The following DNAJC27 variants were observed in gnomAD, a reference collection of about 807,000 sequenced individuals.
DNAJC27 encodes the protein dnaJ homolog subfamily C member 27.
DNAJC27 carries 25 observed loss-of-function variants against 31.4 expected under a neutral mutation model. That is an observed-to-expected ratio of 0.80 (90% CI 0.58 to 1.11). DNAJC27 has a LOEUF of 1.11. Ranked by LOEUF, DNAJC27 falls within the 50% of genes most tolerant of loss-of-function variation. DNAJC27 has a pLI of 0.00. For synonymous variants in DNAJC27, 106 were observed against 112.7 expected (o/e 0.94, Z 0.37); for missense variants, 356 against 347.3 (o/e 1.02, Z -0.20).
At chr2:24,962,449 T>A (rs1322670105) in intron 3 of DNAJC27, among the ~76,000 whole-genome samples, 1 of 152,002 alleles carries the variant, frequency 6.6e-6, no homozygotes, top group African/African-American at 2.4e-5. Flanking sequence ...AGAGACAGGG[T>A]TTCCCCATGT....
intron 4 of DNAJC27, 31 bp downstream of exon 4, chr2:24,957,779 A>T (rs762791930): frequency 6.2e-7 from 1 of 1,601,406 alleles, no homozygotes; most frequent in Admixed American, 1.7e-5. Context: ...TTTCCCTAGA[A>T]ATCTGAACAC....
upstream of DNAJC27, chr2:24,971,993 C>G (rs1666357974): frequency 1.1e-6 from 1 of 941,608 alleles, no homozygotes; most frequent in Non-Finnish European, 1.5e-6. Context: ...ATGGCGGAGC[C>G]GCTGCTCTCG....
rs746614892 is a variant in DNAJC27, at chr2:24,957,889, G to A, written c.326C>T (p.Ala109Val). The change falls in exon 4 of 7, where the codon GCG (alanine) becomes GTG (valine). Residue 109 changes from alanine (A) to valine (V), a missense_variant. Physicochemically the swap from Ala to Val is moderately conservative, Grantham distance 64. Transcript: ENST00000264711. ...GQKDSFDALD[A>V]WLAEMKQELG... ...CTCTTGCTTCATTTCTGCCAGCCAC[G>A]CATCAAGGGCGTCAAAGGAGTCTTT... 10 of 1,613,966 alleles carry A rather than the reference G, an allele frequency of 6.2e-6. No homozygotes were observed. The Admixed American group carries it at 8.3e-5, about 13-fold the overall frequency.
At chr2:24,964,690 A>G (rs1666134525) in intron 2 of DNAJC27, among the ~76,000 whole-genome samples, 1 of 152,182 alleles carries the variant, frequency 6.6e-6, no homozygotes, top group Non-Finnish European at 1.5e-5. Context: ...CTGACTCATC[A>G]TGGGACAAAC....
At chr2:24,971,543 C>T (rs1666337139) in intron 1 of DNAJC27, 1 of 297,186 alleles carries the variant, frequency 3.4e-6, no homozygotes, top group African/African-American at 2.2e-5. Flanking sequence ...CATGGGGACC[C>T]AGGCCTTCTT....
At chr2:24,964,421 CAAAA>C (rs771037919) in intron 2 of DNAJC27, among the ~76,000 whole-genome samples, 1 of 74,760 alleles carries the variant, frequency 1.3e-5, no homozygotes, top group Non-Finnish European at 2.7e-5. Context: ...GACTCCGTCT[CAAAA>C]AAAAAAAAAA....
Position 24,947,711 on chromosome 2 carries a change from G to C in DNAJC27, c.727C>G (p.Leu243Val). ...VNKAYRKLAV[L>V]LHPDKCVAPG... ...GCTACACATTTGTCAGGGTGAAGAA[G>C]CACAGCAAGTTTCCGATACGCTTTA... Residue 243 changes from leucine (L) to valine (V), a missense_variant, in exon 7 of 7, where the codon CTT (leucine) becomes GTT (valine). Physicochemically the swap from Leu to Val is conservative, Grantham distance 32. Transcript: ENST00000264711. 2 of 1,613,604 alleles carry C rather than the reference G, an allele frequency of 1.2e-6. No homozygotes were observed. The highest frequency in any genetic ancestry group is 1.7e-6 in the Non-Finnish European group (2 of 1,179,534).
Position 24,945,574 on chromosome 2 carries a change from G to A in DNAJC27, c.*2042C>T, listed in dbSNP as rs2149118257. ...TCATATGACTTCTACATTCTGCTGT[G>A]AGGACAGACATGTCTGAGTGCTTTC... On this transcript the variant is annotated 3_prime_UTR_variant, in exon 7 of 7. Coordinates refer to ENST00000264711, the MANE Select transcript of DNAJC27 (RefSeq NM_016544.3). 6.6e-6 allele frequency: 1 copy of A among 152,350 alleles called. No homozygotes were observed. Among genetic ancestry groups the A allele is most frequent in the East Asian group, 1.9e-4 (1 of 5,188 alleles). 9.4% of individuals were successfully genotyped at this position (152,350 alleles called of 1,614,324 possible).
chr2:24,950,704 G>A (rs1172296), intron 6 of DNAJC27, among the ~76,000 whole-genome samples: 14,858 of 151,996 alleles, frequency 0.098, 918 homozygotes, highest in East Asian at 0.25. Flanking sequence ...AAAATTAGCC[G>A]GGCGTGGTGG....
chr2:24,949,607 T>C (rs1449432667), intron 6 of DNAJC27, among the ~76,000 whole-genome samples: 1 of 152,214 alleles, frequency 6.6e-6, no homozygotes, highest in Non-Finnish European at 1.5e-5. Flanking sequence ...TAGTGCCATA[T>C]AAAATTAGTT....
Position 24,971,944 on chromosome 2 carries a change from T to G in DNAJC27, c.-40A>C. On this transcript the variant is annotated 5_prime_UTR_variant, in exon 1 of 7. Transcript: ENST00000264711. ...CGGGGCCACCCGCCTCGGTCTCTTC[T>G]TGTGCACCGCTGGCCCGTCCCTCAG... 1 of 1,500,012 alleles carries G rather than the reference T, an allele frequency of 6.7e-7. No individual in the cohort carries two copies. The highest frequency in any genetic ancestry group is 9.0e-7 in the Non-Finnish European group (1 of 1,112,130). 92.9% of individuals were successfully genotyped at this position (1,500,012 alleles called of 1,614,324 possible). A position where few individuals can be genotyped will look rare whatever the true frequency, so the allele number is the denominator to read the frequency against.
intron 1 of DNAJC27, among the ~76,000 whole-genome samples, chr2:24,968,254 A>G (rs1230252836): frequency 6.6e-6 from 1 of 152,130 alleles, no homozygotes; most frequent in East Asian, 1.9e-4. Flanking sequence ...GTGATATGCA[A>G]ATATTCCCTC....
At chr2:24,963,585 T>C (rs1666104461) in intron 2 of DNAJC27, 111 bp from the exon 3 acceptor site, 2 of 748,848 alleles carry the variant, frequency 2.7e-6, no homozygotes, top group Non-Finnish European at 4.3e-6. Flanking sequence ...AGAAGCTTTC[T>C]TAGTGCCTCT....
chr2:24,962,290 T>C (rs2149128104), intron 3 of DNAJC27, among the ~76,000 whole-genome samples: 1 of 152,212 alleles, frequency 6.6e-6, no homozygotes, highest in East Asian at 1.9e-4. Context: ...AGATGGAGTT[T>C]CACTCTTTCA....
intron 5 of DNAJC27, among the ~76,000 whole-genome samples, chr2:24,955,273 G>A (rs531408208): frequency 6.6e-6 from 1 of 152,314 alleles, no homozygotes; most frequent in South Asian, 2.1e-4. Flanking sequence ...GGAACCAAAT[G>A]CAAATTCTAG....
chr2:24,951,300 A>G (rs566483877), intron 6 of DNAJC27, 94 bp downstream of exon 6: 1 of 1,257,868 alleles, frequency 7.9e-7, no homozygotes, highest in African/African-American at 1.5e-5. Context: ...TCGTATTTCC[A>G]GCCAACTGGA....
At position 24,948,815 on chromosome 2, in the gene DNAJC27, CTACCAGATGGTTT is replaced by C. The variant is rs1665704274; in HGVS notation, c.690-1080_690-1068del. 7.2e-5 allele frequency among the ~76,000 whole-genome samples: 11 copies of C among 152,248 alleles called. No homozygotes were observed. The South Asian group carries it at 2.3e-3, about 32-fold the overall frequency. On this transcript the variant is annotated intron_variant, in intron 6 of 6. Coordinates refer to ENST00000264711, the MANE Select transcript of DNAJC27 (RefSeq NM_016544.3). ...TCCCCAGTCAGATTAAGCTCTGTCT[CTACCAGATGGTTT>C]TATTTCCCACCTTCCTTTTCTAATT...
chr2:24,957,071 G>A lies in DNAJC27; in HGVS notation c.500C>T (p.Thr167Ile). The stretch of plus-strand genomic sequence containing the variant: ...GAACATCTCATTAATGCCTTCTCCA[G>A]TTTGTGCTGAAGTTTCAAAGTACAG... ...GFLYFETSAQTGEGINEMFQT... is the reference protein window; with the variant it reads ...GFLYFETSAQIGEGINEMFQT... The change falls in exon 5 of 7, where the codon ACT becomes ATT. Residue 167 changes from threonine (T) to isoleucine (I), a missense_variant. Coordinates refer to ENST00000264711, the MANE Select transcript of DNAJC27 (RefSeq NM_016544.3). 1.9e-6 allele frequency: 3 copies of A among 1,609,564 alleles called. No individual in the cohort carries two copies. The highest frequency in any genetic ancestry group is 2.5e-6 in the Non-Finnish European group (3 of 1,178,416).
In DNAJC27 at chr2:24,947,666, A is replaced by G. The variant is rs1313282767; in HGVS notation, c.772T>C (p.Phe258Leu). 6.2e-7 allele frequency: 1 copy of G among 1,613,116 alleles called. No homozygotes were observed. The highest frequency in any genetic ancestry group is 1.7e-5 in the Admixed American group (1 of 60,012). The change falls in exon 7 of 7, where the codon TTC (phenylalanine) becomes CTC (leucine). Residue 258 changes from phenylalanine (F) to leucine (L), a missense_variant. By Grantham distance (22) the Phe-to-Leu change is conservative (BLOSUM62 0). Coordinates refer to ENST00000264711, the MANE Select transcript of DNAJC27 (RefSeq NM_016544.3). ...KCVAPGSEDA[F>L]KAVVNARTAL... ...GTCCGAGCATTCACAACTGCTTTGAAGGCATCTTCACTGCCAGGTGCTACA... is the reference window on the plus strand; with the variant it reads ...GTCCGAGCATTCACAACTGCTTTGAGGGCATCTTCACTGCCAGGTGCTACA...
Sources: allele counts gnomAD v4.1 joint callset (sites outside exome capture counted in the v4.1 genomes callset), GRCh38; gene constraint gnomAD v4.1.1; transcripts MANE v1.5; gene names NCBI Gene and HGNC (gene_info 2026-07-23, HGNC 2026-07-21).